ANKRD26: variants seen among roughly 807,000 people sequenced by gnomAD.
ANKRD26 encodes ankyrin repeat domain-containing protein 26.
Under a neutral mutation model 208.7 loss-of-function variants are expected in ANKRD26, and 141 were observed. The ratio of observed to expected loss-of-function variants is 0.68; its 90% CI spans 0.59 to 0.78. The LOEUF is 0.78. ANKRD26 is among the 30% of genes least tolerant of loss of function. The pLI is 0.00. For missense variants in ANKRD26, 1,889 were observed against 1,938.7 expected (o/e 0.97, Z 0.48); for synonymous variants, 636 against 660.4 (o/e 0.96, Z 0.57).
intron 1 of ANKRD26, 114 bp downstream of exon 1, chr10:27,099,971 G>A (rs1040799986): frequency 6.5e-7 from 1 of 1,549,822 alleles, no homozygotes; most frequent in Non-Finnish European, 8.8e-7. Flanking sequence ...CGTCCCAGGG[G>A]CTACGGAGCC....
intron 9 of ANKRD26, among the ~76,000 whole-genome samples, chr10:27,069,170 G>A (rs1391756004): frequency 1.5e-5 from 2 of 135,804 alleles, no homozygotes; most frequent in Non-Finnish European, 3.0e-5. Context: ...GCTCTGACCT[G>A]GGCAACAGAG....
chr10:26,952,392 G>T, the ANKRD26 span, among the ~76,000 whole-genome samples: 14,141 of 151,964 alleles, frequency 0.093, 1,135 homozygotes, highest in East Asian at 0.46. Context: ...GAATGCAAAT[G>T]ACATTTCTGT....
At chr10:26,995,119 T>C (rs1243500080) in exon 5 of ANKRD26, 1 of 471,082 alleles carries the variant, frequency 2.1e-6, no homozygotes, top group South Asian at 1.5e-5. Context: ...CATCAGAACA[T>C]AGTCATGAGG....
At chr10:27,089,826 T>C (rs548368677) in intron 4 of ANKRD26, among the ~76,000 whole-genome samples, 33 of 152,260 alleles carry the variant, frequency 2.2e-4, no homozygotes, top group South Asian at 1.7e-3. Flanking sequence ...CCTACATGCA[T>C]TGCTGCTTCT....
At chr10:27,045,228 A>G (rs908687454) in intron 18 of ANKRD26, among the ~76,000 whole-genome samples, 1 of 152,216 alleles carries the variant, frequency 6.6e-6, no homozygotes, top group African/African-American at 2.4e-5. Flanking sequence ...GTTTAAGACC[A>G]GCTTGGCCAA....
chr10:27,059,413 G>A (rs2135432824), intron 15 of ANKRD26, among the ~76,000 whole-genome samples: 1 of 152,244 alleles, frequency 6.6e-6, no homozygotes, highest in South Asian at 2.1e-4. Context: ...AAAATTCTAG[G>A]ACATGTAAAC....
At chr10:27,042,486 G>T (rs896868361) in intron 20 of ANKRD26, among the ~76,000 whole-genome samples, 9 of 152,150 alleles carry the variant, frequency 5.9e-5, no homozygotes, top group South Asian at 4.1e-4. Context: ...GGGCGTGGTG[G>T]CTCACGCCTG....
chr10:27,061,829 T>C (rs1378700021), intron 12 of ANKRD26: 1 of 714,646 alleles, frequency 1.4e-6, no homozygotes, highest in African/African-American at 1.9e-5. Flanking sequence ...CCTCCCAAAG[T>C]GCTGAGTGAC....
At chr10:27,036,066 T>A (rs1589254238) in intron 23 of ANKRD26, among the ~76,000 whole-genome samples, 1 of 152,170 alleles carries the variant, frequency 6.6e-6, no homozygotes, top group Non-Finnish European at 1.5e-5. Flanking sequence ...GATTAATAAT[T>A]TGACCACATT....
At chr10:26,998,736 G>A (rs1312373406) in intron 4 of ANKRD26, among the ~76,000 whole-genome samples, 1 of 152,172 alleles carries the variant, frequency 6.6e-6, no homozygotes, top group Admixed American at 6.5e-5. Context: ...GTCCCTATAG[G>A]GTCCCCCTTT....
chr10:27,089,931 T>C (rs527347913), intron 4 of ANKRD26, among the ~76,000 whole-genome samples: 1 of 152,348 alleles, frequency 6.6e-6, no homozygotes, highest in East Asian at 1.9e-4. Flanking sequence ...AAATCTCAAC[T>C]GATGTATAAG....
downstream of ANKRD26, among the ~76,000 whole-genome samples, chr10:27,000,769 C>T (rs187232669): frequency 1.8e-3 from 278 of 152,034 alleles, no homozygotes; most frequent in African/African-American, 6.3e-3. Context: ...TTTGGGAGGC[C>T]GAGGCAGGTG....
chr10:26,962,312 C>T, the ANKRD26 span, among the ~76,000 whole-genome samples: 4 of 152,206 alleles, frequency 2.6e-5, no homozygotes, highest in East Asian at 3.9e-4. Context: ...GTACAGCCCA[C>T]GCCTGTAATT....
At chr10:27,028,085 T>C (rs897924517) in intron 27 of ANKRD26, among the ~76,000 whole-genome samples, 2 of 152,216 alleles carry the variant, frequency 1.3e-5, no homozygotes, top group Non-Finnish European at 2.9e-5. Flanking sequence ...AAATTTCACC[T>C]TATAATATTT....
At chr10:27,007,482 C>T (rs1002020095) in intron 32 of ANKRD26, among the ~76,000 whole-genome samples, 4 of 152,074 alleles carry the variant, frequency 2.6e-5, no homozygotes, top group African/African-American at 4.8e-5. Flanking sequence ...AGTGAAATCC[C>T]GTCTCTATTA....
At chr10:26,955,808 G>A in the ANKRD26 span, among the ~76,000 whole-genome samples, 2 of 152,182 alleles carry the variant, frequency 1.3e-5, no homozygotes, top group Admixed American at 6.5e-5. Context: ...ATCAGCTGTG[G>A]TTCCTGTTGA....
At chr10:27,020,977 T>TAA (rs34479808) in intron 29 of ANKRD26, among the ~76,000 whole-genome samples, 7 of 149,698 alleles carry the variant, frequency 4.7e-5, no homozygotes, top group East Asian at 2.0e-4. Flanking sequence ...TCTTTTCCTT[T>TAA]AAAAAAAAAA....
chr10:27,078,942 C>A (rs1373941235), intron 7 of ANKRD26, 147 bp downstream of exon 7: 2 of 543,920 alleles, frequency 3.7e-6, no homozygotes, highest in South Asian at 2.7e-5. Flanking sequence ...ATTCAACTGG[C>A]CATATTTCTA....
chr10:27,017,411 T>C, intron 30 of ANKRD26, 91 bp downstream of exon 30: 2 of 1,356,870 alleles, frequency 1.5e-6, no homozygotes, highest in South Asian at 2.4e-5. Flanking sequence ...AACAAATTGC[T>C]ATAAGGGATG....
Sources: allele counts gnomAD v4.1 joint callset (sites outside exome capture counted in the v4.1 genomes callset), GRCh38; gene constraint gnomAD v4.1.1; transcripts MANE v1.5; gene names NCBI Gene and HGNC (gene_info 2026-07-23, HGNC 2026-07-21).